PHF11: variants seen among roughly 807,000 people sequenced by gnomAD.
PHF11 encodes PHD finger protein 11.
A neutral mutation model predicts 40.5 loss-of-function variants in PHF11; 38 were observed. That is an observed-to-expected ratio of 0.94 (90% CI 0.72 to 1.23). The LOEUF is 1.23. PHF11 is among the 50% of genes most tolerant of loss of function. The probability of loss-of-function intolerance (pLI) is 0.00; values close to 1 mark genes in which losing one functional copy is unlikely to be tolerated. For missense variants in PHF11, 369 were observed against 392.4 expected (o/e 0.94, Z 0.50); for synonymous variants, 127 against 138.2 (o/e 0.92, Z 0.57).
intron 7 of PHF11, 89 bp from the exon 8 acceptor site, chr13:49,523,996 T>G: frequency 3.9e-6 from 4 of 1,018,384 alleles, no homozygotes; most frequent in Non-Finnish European, 5.8e-6. Flanking sequence ...CATCCACCAC[T>G]AGGCAAGGTC....
chr13:49,523,248 G>A lies in PHF11; in HGVS notation c.637+7G>A, dbSNP rs558894359. 3.8e-6 allele frequency: 6 copies of A among 1,590,080 alleles called. No individual in the cohort carries two copies. The highest frequency in any genetic ancestry group is 3.3e-5 in the Admixed American group (2 of 59,890). On this transcript the variant is annotated splice_region_variant and intron_variant, in intron 7 of 9. Coordinates refer to ENST00000378319, the MANE Select transcript of PHF11 (RefSeq NM_001040443.3). ...GAGCATGGCAGACACACAGGTTTGC[G>A]CTAAGTGTTGTCTGTAACAAATATG...
intron 5 of PHF11, chr13:49,521,555 T>G (rs1426209181): frequency 5.6e-6 from 5 of 896,264 alleles, no homozygotes; most frequent in Non-Finnish European, 6.7e-6. Flanking sequence ...CGTTACCCTT[T>G]TAACTCAGCA....
chr13:49,527,808 TG>T (rs1464966669), intron 9 of PHF11, among the ~76,000 whole-genome samples: 1 of 152,048 alleles, frequency 6.6e-6, no homozygotes, highest in Non-Finnish European at 1.5e-5. Flanking sequence ...TAGAACTGCA[TG>T]AGATTCAACT....
intron 9 of PHF11, chr13:49,527,127 A>T (rs1345511370): frequency 6.6e-6 from 1 of 152,202 alleles, no homozygotes; most frequent in East Asian, 1.9e-4. Flanking sequence ...TGCAGTAGAA[A>T]ATCTCGTTTG....
chr13:49,497,206 A>T, intron 1 of PHF11: 1 of 1,288,982 alleles, frequency 7.8e-7, no homozygotes. Context: ...TGGTATACAT[A>T]TGGACTGTAA....
At chr13:49,498,305 C>T (rs955793839) in intron 1 of PHF11, among the ~76,000 whole-genome samples, 5 of 152,206 alleles carry the variant, frequency 3.3e-5, no homozygotes, top group Admixed American at 2.6e-4. Flanking sequence ...AGCAGATGTC[C>T]ATTTCAGGTA....
Position 49,526,400 on chromosome 13 carries a change from CG to C in PHF11, c.786del (p.Ser263ValfsTer14). ...CTCTCCCTCCAGACTATGAAGAAATCGGGAGTGCACTTTTTGACTGTAGATT... is the reference window on the plus strand; with the variant it reads ...CTCTCCCTCCAGACTATGAAGAAATCGGAGTGCACTTTTTGACTGTAGATT... ...TTSESDYEEI[G>X]SALFDCRLFE... On this transcript the variant is annotated frameshift_variant, in exon 9 of 10. Coordinates refer to ENST00000378319, the MANE Select transcript of PHF11 (RefSeq NM_001040443.3). LOFTEE classifies it high-confidence loss of function. 1 of 1,608,374 alleles carries C rather than the reference CG, an allele frequency of 6.2e-7. No individual in the cohort carries two copies. Among genetic ancestry groups the C allele is most frequent in the Non-Finnish European group, 8.5e-7 (1 of 1,174,962 alleles).
At chr13:49,496,129 G>T (rs1055176087) in intron 1 of PHF11, 34 bp downstream of exon 1, 46 of 859,426 alleles carry the variant, frequency 5.4e-5, no homozygotes, top group Non-Finnish European at 6.8e-5. Flanking sequence ...GCGGGCGGGC[G>T]GGGCTGGGCA....
chr13:49,523,290 A>G (rs1308992089), intron 7 of PHF11, 49 bp downstream of exon 7: 3 of 1,283,340 alleles, frequency 2.3e-6, no homozygotes, highest in Non-Finnish European at 3.4e-6. Context: ...AATACTTATA[A>G]AAATGTCAAC....
intron 1 of PHF11, among the ~76,000 whole-genome samples, chr13:49,497,531 A>G (rs1237413265): frequency 6.6e-6 from 1 of 151,948 alleles, no homozygotes; most frequent in Admixed American, 6.6e-5. Flanking sequence ...GCTTCTCACC[A>G]CTTCCATTAC....
Position 49,528,491 on chromosome 13 carries a change from T to G in PHF11, c.842-20T>G. On this transcript the variant is annotated intron_variant, in intron 9 of 9. Transcript: ENST00000378319. ...AAACTACTGAATAAGCTGAAATAAT[T>G]TTATTTCTTCTTTTCATAGCAATAG... 1 of 1,536,282 alleles carries G rather than the reference T, an allele frequency of 6.5e-7. No individual in the cohort carries two copies. The highest frequency in any genetic ancestry group is 8.9e-7 in the Non-Finnish European group (1 of 1,126,602).
intron 9 of PHF11, 35 bp from the exon 10 acceptor site, chr13:49,528,476 A>T: frequency 7.0e-7 from 1 of 1,437,366 alleles, no homozygotes; most frequent in Non-Finnish European, 9.6e-7. Flanking sequence ...AAACTACTGA[A>T]TAAGCTGAAA....
At chr13:49,517,740 GT>G (rs1177615421) in intron 3 of PHF11, among the ~76,000 whole-genome samples, 1 of 152,090 alleles carries the variant, frequency 6.6e-6, no homozygotes, top group Non-Finnish European at 1.5e-5. Flanking sequence ...GACAGAGACT[GT>G]TTTTTTGAAA....
intron 3 of PHF11, among the ~76,000 whole-genome samples, chr13:49,515,122 C>T (rs1268980495): frequency 4.6e-5 from 7 of 152,098 alleles, no homozygotes; most frequent in African/African-American, 1.7e-4. Context: ...CCTTGGGATG[C>T]AGACTTCCCT....
At chr13:49,501,173 C>A (rs1254983832) in intron 1 of PHF11, among the ~76,000 whole-genome samples, 13 of 152,072 alleles carry the variant, frequency 8.5e-5, no homozygotes, top group Non-Finnish European at 1.3e-4. Flanking sequence ...ACCACCACGC[C>A]TGGCTAATTT....
Position 49,516,338 on chromosome 13 carries a change from C to G in PHF11, c.325-1680C>G, listed in dbSNP as rs79136681. Among the ~76,000 whole-genome samples, 760 of 151,946 alleles carry G rather than the reference C, an allele frequency of 5.0e-3. 10 individuals are homozygous for G. Among genetic ancestry groups the G allele is most frequent in the African/African-American group, 0.017 (723 of 41,378 alleles). ...TGTTTTCCCTTATCCTAAAACCATG[C>G]CTGCCACATCATAGCTACTGCATGC... On this transcript the variant is annotated intron_variant, in intron 3 of 9. Coordinates refer to ENST00000378319, the MANE Select transcript of PHF11 (RefSeq NM_001040443.3).
intron 2 of PHF11, 76 bp downstream of exon 2, chr13:49,506,832 C>T (rs1427236966): frequency 3.3e-6 from 3 of 919,026 alleles, no homozygotes; most frequent in African/African-American, 1.8e-5. Context: ...ATAAACAACA[C>T]TTTGGACACA....
intron 8 of PHF11, chr13:49,525,673 T>G (rs1959240368): frequency 2.8e-6 from 1 of 359,176 alleles, no homozygotes; most frequent in Non-Finnish European, 5.5e-6. Flanking sequence ...TTTATTTGAA[T>G]GGGATTATTT....
chr13:49,516,965 C>T lies in PHF11; in HGVS notation c.325-1053C>T, dbSNP rs542321610. ...CTTGCCTCCATACTACGCTTTTTTT[C>T]TTTCTCCTATATTTCCTAATCTTTA... is the stretch of plus-strand genomic sequence containing the variant. On this transcript the variant is annotated intron_variant, in intron 3 of 9. Transcript: ENST00000378319. Among the ~76,000 whole-genome samples the T allele has an allele frequency of 7.2e-5, 11 of 152,150 alleles. No individual in the cohort carries two copies. The East Asian group carries it at 1.5e-3, about 21-fold the overall frequency.
Sources: gnomAD v4.1 joint callset for allele counts (sites outside exome capture counted in the v4.1 genomes callset) on GRCh38, gnomAD v4.1.1 for gene constraint, MANE v1.5 for transcripts, NCBI Gene and HGNC (gene_info 2026-07-23, HGNC 2026-07-21) for gene names.